CNOT1: variants seen among roughly 807,000 people sequenced by gnomAD.
CNOT1 encodes CCR4-NOT transcription complex subunit 1.
Under a neutral mutation model 273.8 loss-of-function variants are expected in CNOT1, and 15 were observed. The ratio of observed to expected loss-of-function variants is 0.05; its 90% confidence interval spans 0.04 to 0.08. The LOEUF (loss-of-function observed/expected upper bound fraction) is 0.08, where lower values mean the gene tolerates loss of function less well. Among genes scored for constraint, CNOT1 ranks in the 10% least tolerant of loss-of-function variants. The pLI, the probability that CNOT1 is intolerant of heterozygous loss-of-function variation, is 1.00. For synonymous variants in CNOT1, 1,022 were observed against 1,005.5 expected (o/e 1.02, Z -0.31); for missense variants, 1,644 against 2,912.2 (o/e 0.56, Z 10.02).
At position 58,603,407 on chromosome 16, in the gene CNOT1, A is replaced by ATGTGTGTG. The variant is rs2042543737; in HGVS notation, c.-174-3897_-174-3896insCACACACA. Among the ~76,000 whole-genome samples the ATGTGTGTG allele has an allele frequency of 7.9e-4, 100 of 126,368 alleles. 2 individuals are homozygous for ATGTGTGTG. The highest frequency in any genetic ancestry group is 8.1e-4 in the Admixed American group (10 of 12,298). The allele number at this position is 126,368 out of a possible 152,430, so 82.9% of individuals were successfully genotyped here. A position where few individuals can be genotyped will look rare whatever the true frequency, so the allele number is the denominator to read the frequency against. The stretch of plus-strand genomic sequence containing the variant: ...CCTAGACCCTATCTCTACAATTTAA[A>ATGTGTGTG]AGTGTGTGTGTGTGTGTGTGTGTGT... On this transcript the variant is annotated intron_variant, in intron 1 of 48. Coordinates refer to ENST00000317147, the MANE Select transcript of CNOT1 (RefSeq NM_016284.5).
rs374757511 is a variant in CNOT1 at position 58,546,449 on chromosome 16, T to C, written c.3878A>G (p.Asp1293Gly). 1 of 1,614,034 alleles carries C rather than the reference T, an allele frequency of 6.2e-7. No individual in the cohort carries two copies. The highest frequency in any genetic ancestry group is 8.5e-7 in the Non-Finnish European group (1 of 1,179,950). Residue 1293 changes from aspartate to glycine, a missense_variant, in exon 29 of 49, where the codon GAC (aspartate) becomes GGC (glycine). Transcript: ENST00000317147. ...IEVLCKNLAL[D>G]INELKPGNLL... Reference sequence around the variant, plus strand: ...GTTTCCAGGTTTTAGCTCATTGATGTCTAATGCAAGGTTCTTGCAGAGAAC... The same window carrying C: ...GTTTCCAGGTTTTAGCTCATTGATGCCTAATGCAAGGTTCTTGCAGAGAAC...
chr16:58,572,510 T>C (rs185845613), intron 16 of CNOT1, among the ~76,000 whole-genome samples: 188 of 152,104 alleles, frequency 1.2e-3, no homozygotes, highest in African/African-American at 4.3e-3. Context: ...GGTGCATACC[T>C]GTAATGCCAG....
At position 58,614,413 on chromosome 16, in the gene CNOT1, C is replaced by T. The variant is rs541225621; in HGVS notation, c.-174-14902G>A. Among the ~76,000 whole-genome samples the T allele has an allele frequency of 5.6e-5, 7 of 125,650 alleles. 3 individuals are homozygous for T. Among genetic ancestry groups the T allele is most frequent in the Non-Finnish European group, 1.3e-4 (7 of 52,588 alleles). 82.4% of individuals were successfully genotyped at this position (125,650 alleles called of 152,430 possible). On this transcript the variant is annotated intron_variant, in intron 1 of 48. Coordinates refer to ENST00000317147, the MANE Select transcript of CNOT1 (RefSeq NM_016284.5). ...ACCGGCTTTCTATCTAGATGAATAC[C>T]AGCTTTCTGTCTAGGAGCCTAAAAT...
Position 58,555,555 on chromosome 16 carries a change from A to T in CNOT1, c.2605-18T>A. 1 of 1,607,792 alleles carries T rather than the reference A, an allele frequency of 6.2e-7. No homozygotes were observed. The highest frequency in any genetic ancestry group is 8.5e-7 in the Non-Finnish European group (1 of 1,177,932). ...TCTAATACCTGGAAAAGCAAGACAAAAACAACGCACACATAAAGGAAACAA... is the reference window on the plus strand; with the variant it reads ...TCTAATACCTGGAAAAGCAAGACAATAACAACGCACACATAAAGGAAACAA... On this transcript the variant is annotated intron_variant, in intron 20 of 48. Transcript: ENST00000317147.
chr16:58,587,552 C>A, intron 4 of CNOT1, 139 bp from the exon 5 acceptor site: 6 of 1,272,624 alleles, frequency 4.7e-6, no homozygotes, highest in Non-Finnish European at 6.4e-6. Flanking sequence ...TACACTATGT[C>A]CTAAAACTGT....
chr16:58,622,750 G>A (rs2043398740), intron 1 of CNOT1, among the ~76,000 whole-genome samples: 1 of 151,688 alleles, frequency 6.6e-6, no homozygotes, highest in Non-Finnish European at 1.5e-5. Flanking sequence ...GGGAGGCTGA[G>A]GCAGGATCGT....
chr16:58,575,219 G>A lies in CNOT1; in HGVS notation c.1705-90C>T. The A allele has an allele frequency of 3.9e-6, 6 of 1,530,544 alleles. 1 individual carries two copies. The highest frequency in any genetic ancestry group is 3.8e-5 in the South Asian group (3 of 79,502). The allele number at this position is 1,530,544 out of a possible 1,614,324, so 94.8% of individuals were successfully genotyped here. ...TCTGTTTTTCGCTTTCCACAAACAA[G>A]TTCAAATAAAACACACTGCTAATAC... is the stretch of plus-strand genomic sequence containing the variant. On this transcript the variant is annotated intron_variant, in intron 14 of 48. Transcript: ENST00000317147.
intron 1 of CNOT1, among the ~76,000 whole-genome samples, chr16:58,606,909 C>T (rs893366832): frequency 8.3e-6 from 1 of 120,636 alleles, no homozygotes; most frequent in South Asian, 2.7e-4. Flanking sequence ...TAAACCACTA[C>T]CTACTGCAGA....
At chr16:58,584,767 A>G (rs1167045892) in intron 8 of CNOT1, among the ~76,000 whole-genome samples, 1 of 152,250 alleles carries the variant, frequency 6.6e-6, no homozygotes, top group African/African-American at 2.4e-5. Flanking sequence ...TTTTTAAAAC[A>G]TAAGGATTTT....
chr16:58,560,495 C>T, intron 16 of CNOT1, 133 bp from the exon 17 acceptor site: 29 of 1,417,354 alleles, frequency 2.0e-5, no homozygotes, highest in Non-Finnish European at 2.6e-5. Flanking sequence ...TGCAGTAGCA[C>T]GATATCAATT....
chr16:58,525,486 G>T, intron 45 of CNOT1, 127 bp from the exon 46 acceptor site: 1 of 746,158 alleles, frequency 1.3e-6, no homozygotes, highest in Non-Finnish European at 2.2e-6. Flanking sequence ...TCACTTGCTT[G>T]AATTTGTGAG....
At chr16:58,567,024 T>C (rs1263953404) in intron 16 of CNOT1, among the ~76,000 whole-genome samples, 1 of 152,158 alleles carries the variant, frequency 6.6e-6, no homozygotes, top group African/African-American at 2.4e-5. Context: ...CATGGTGGCA[T>C]GCGTCTATAG....
At chr16:58,587,501 T>C in intron 4 of CNOT1, 88 bp from the exon 5 acceptor site, 2 of 1,546,212 alleles carry the variant, frequency 1.3e-6, no homozygotes, top group Non-Finnish European at 8.8e-7. Flanking sequence ...AGGATGGCAC[T>C]ACATAGGAGT....
At chr16:58,531,433 T>C (rs908280922) in intron 42 of CNOT1, among the ~76,000 whole-genome samples, 11 of 152,212 alleles carry the variant, frequency 7.2e-5, no homozygotes, top group African/African-American at 2.7e-4. Flanking sequence ...TAAATAGAAC[T>C]TGATCATAAT....
At position 58,561,596 on chromosome 16, in the gene CNOT1, A is replaced by T. The variant is rs186657595; in HGVS notation, c.1980-1234T>A. Reference sequence around the variant, plus strand: ...ACAATTAAACCAATTTTCCTATCTTAGGTTGCTATTACAGGTTGAGCATCC... The same window carrying T: ...ACAATTAAACCAATTTTCCTATCTTTGGTTGCTATTACAGGTTGAGCATCC... On this transcript the variant is annotated intron_variant, in intron 16 of 48. Coordinates refer to ENST00000317147, the MANE Select transcript of CNOT1 (RefSeq NM_016284.5). 1.8e-3 allele frequency among the ~76,000 whole-genome samples: 276 copies of T among 152,334 alleles called. 1 individual carries two copies. The highest frequency in any genetic ancestry group is 3.1e-3 in the Non-Finnish European group (212 of 68,024).
intron 41 of CNOT1, 69 bp downstream of exon 41, chr16:58,532,163 T>C: frequency 6.2e-7 from 1 of 1,605,456 alleles, no homozygotes; most frequent in Non-Finnish European, 8.5e-7. Flanking sequence ...TGCTCAAGAG[T>C]TCTACTCCCA....
At chr16:58,581,875 A>C (rs1254323374) in intron 10 of CNOT1, among the ~76,000 whole-genome samples, 1 of 151,972 alleles carries the variant, frequency 6.6e-6, no homozygotes, top group East Asian at 1.9e-4. Flanking sequence ...GCTGGCCAGG[A>C]TGGTATCAAA....
At chr16:58,573,680 A>G (rs764222036) in intron 16 of CNOT1, among the ~76,000 whole-genome samples, 14 of 151,742 alleles carry the variant, frequency 9.2e-5, no homozygotes, top group Non-Finnish European at 1.9e-4. Context: ...ACAGGGTTTC[A>G]CCGTGTTAGT....
At chr16:58,602,553 CAAAAAAAAAAA>C (rs60230860) in intron 1 of CNOT1, among the ~76,000 whole-genome samples, 2,207 of 58,144 alleles carry the variant, frequency 0.038, 172 homozygotes, top group Admixed American at 0.26. Flanking sequence ...ACTCTGTCTC[CAAAAAAAAAAA>C]AAAAAAAAAA....
Sources: allele counts gnomAD v4.1 joint callset (sites outside exome capture counted in the v4.1 genomes callset), GRCh38; gene constraint gnomAD v4.1.1; transcripts MANE v1.5; gene names NCBI Gene and HGNC (gene_info 2026-07-23, HGNC 2026-07-21).